The following PARD3B variants were observed in gnomAD, a reference collection of about 807,000 sequenced individuals.
PARD3B encodes the protein partitioning defective 3 homolog B.
In PARD3B, 103 loss-of-function variants were observed where a neutral mutation model predicts 130.2. The observed-to-expected ratio is 0.79, with a 90% CI of 0.67 to 0.93. PARD3B has a LOEUF of 0.93. Among genes scored for constraint, PARD3B ranks in the 40% least tolerant of loss-of-function variants. The pLI, the probability that PARD3B is intolerant of heterozygous loss-of-function variation, is 0.00. For missense variants in PARD3B, 1,609 were observed against 1,499.2 expected, an observed-to-expected ratio of 1.07 and a Z score of -1.21; for synonymous variants, 583 against 553.2, an observed-to-expected ratio of 1.05 and a Z score of -0.76.
chr2:205,015,457 T>A lies in PARD3B; in HGVS notation c.395-32124T>A, dbSNP rs1308748023. On this transcript the variant is annotated intron_variant, in intron 3 of 22. Transcript: ENST00000406610. This position sits in a 1 kb window ranked among gnomAD's most constrained non-coding sequence, Gnocchi z 4.5. ...ATACTGACATGTTTACATGTATTTC[T>A]CCTTGGCAAGATGCAGACCGAGTTC... 1.3e-5 allele frequency among the ~76,000 whole-genome samples: 2 copies of A among 152,210 alleles called. No homozygotes were observed. The highest frequency in any genetic ancestry group is 4.8e-5 in the African/African-American group (2 of 41,448).
chr2:205,567,820 G>A lies in PARD3B; in HGVS notation c.3260+14417G>A, dbSNP rs574403023. On this transcript the variant is annotated intron_variant, in intron 22 of 22. Transcript: ENST00000406610. Reference sequence around the variant, plus strand: ...TTGAGAAGCGATCCCAGGAAGCATTGGAAGCGGAGTGAGGAAGGAAAAGGA... The same window carrying A: ...TTGAGAAGCGATCCCAGGAAGCATTAGAAGCGGAGTGAGGAAGGAAAAGGA... 2.0e-5 allele frequency among the ~76,000 whole-genome samples: 3 copies of A among 151,740 alleles called. No individual in the cohort carries two copies. The South Asian group carries it at 6.3e-4, about 32-fold the overall frequency.
At chr2:204,791,046 T>C (rs1336932423) in intron 2 of PARD3B, among the ~76,000 whole-genome samples, 1 of 151,906 alleles carries the variant, frequency 6.6e-6, no homozygotes, top group Non-Finnish European at 1.5e-5. Flanking sequence ...CAGAGGTTGC[T>C]GTGAGCCAAG....
chr2:205,506,516 C>T (rs4346365), intron 21 of PARD3B, among the ~76,000 whole-genome samples: 66,883 of 151,942 alleles, frequency 0.44, 15,435 homozygotes, highest in South Asian at 0.6. Context: ...GGCCGCTGAT[C>T]TGGATGACAA....
At position 205,241,676 on chromosome 2, in the gene PARD3B, C is replaced by G. The variant is rs550762064; in HGVS notation, c.2141-4102C>G. Among the ~76,000 whole-genome samples, 1 of 152,278 alleles carries G rather than the reference C, an allele frequency of 6.6e-6. No individual in the cohort carries two copies. Among genetic ancestry groups the G allele is most frequent in the East Asian group, 1.9e-4 (1 of 5,186 alleles). Reference sequence around the variant, plus strand: ...CTCTTGCTCCATCAACACTCTCTTACTCAATGCTTTTAATTAATACTTTAC... The same window carrying G: ...CTCTTGCTCCATCAACACTCTCTTAGTCAATGCTTTTAATTAATACTTTAC... On this transcript the variant is annotated intron_variant, in intron 15 of 22. Transcript: ENST00000406610. The surrounding 1 kb of genome is among the most constrained non-coding windows in gnomAD (Gnocchi z 4.2).
rs903399891 is a variant in PARD3B at position 204,858,966 on chromosome 2, C to G, written c.223-106186C>G. On this transcript the variant is annotated intron_variant, in intron 2 of 22. Transcript: ENST00000406610. ...ATCATTCTCATGTTTCCAATATTCA[C>G]CTGGGTTTGTCTAAGTATTTGAGGA... Among the ~76,000 whole-genome samples, 9 of 151,506 alleles carry G rather than the reference C, an allele frequency of 5.9e-5. 1 individual carries two copies. Among genetic ancestry groups the G allele is most frequent in the African/African-American group, 1.9e-4 (8 of 41,324 alleles).
intron 12 of PARD3B, among the ~76,000 whole-genome samples, chr2:205,175,543 CA>C (rs2035418344): frequency 6.6e-6 from 1 of 152,122 alleles, no homozygotes; most frequent in Non-Finnish European, 1.5e-5. Flanking sequence ...TTGTTTTAGC[CA>C]AATGCTATAC....
intron 22 of PARD3B, among the ~76,000 whole-genome samples, chr2:205,557,091 C>T (rs1015760893): frequency 2.0e-5 from 3 of 152,150 alleles, no homozygotes; most frequent in Non-Finnish European, 4.4e-5. Flanking sequence ...CATGATATTG[C>T]TCTTCCGGAC....
At chr2:204,874,004 A>C (rs1458893431) in intron 2 of PARD3B, among the ~76,000 whole-genome samples, 1 of 151,952 alleles carries the variant, frequency 6.6e-6, no homozygotes, top group African/African-American at 2.4e-5. Flanking sequence ...TAAGCTGGGC[A>C]TGGTGGCGGG....
chr2:205,495,867 C>T (rs955083023), intron 20 of PARD3B, among the ~76,000 whole-genome samples: 2 of 152,008 alleles, frequency 1.3e-5, no homozygotes, highest in African/African-American at 4.8e-5. Flanking sequence ...ATAATAAATC[C>T]ATCAGTATTT....
At position 205,553,349 on chromosome 2, in the gene PARD3B, A is replaced by T. The variant is rs2052733154; in HGVS notation, c.3206A>T (p.Asn1069Ile). The change falls in exon 22 of 23, where the codon AAT (asparagine) becomes ATT (isoleucine). Residue 1069 changes from asparagine to isoleucine, a missense_variant. Transcript: ENST00000406610. The stretch of plus-strand genomic sequence containing the variant: ...GTGCCTGGAAGGGGTCCAGATGGGA[A>T]TGCACACAACCTCCGCTTTGAAGGG... ...LWVPGRGPDG[N>I]AHNLRFEGME... The T allele has an allele frequency of 1.2e-6, 2 of 1,614,056 alleles. No homozygotes were observed. The highest frequency in any genetic ancestry group is 4.5e-5 in the East Asian group (2 of 44,864).
chr2:205,431,983 T>C (rs1017331425), intron 19 of PARD3B, among the ~76,000 whole-genome samples: 2 of 152,170 alleles, frequency 1.3e-5, no homozygotes, highest in African/African-American at 4.8e-5. Flanking sequence ...AGAACTGTTA[T>C]ATAATCATGA....
chr2:204,904,651 T>C (rs958991191), intron 2 of PARD3B, among the ~76,000 whole-genome samples: 2 of 151,274 alleles, frequency 1.3e-5, no homozygotes, highest in African/African-American at 4.9e-5. Context: ...ATTATAGTTA[T>C]GGCAATGCCT....
rs1045799420 is a variant in PARD3B at position 205,550,474 on chromosome 2, A to T, written c.3181-2850A>T. 6.6e-6 allele frequency among the ~76,000 whole-genome samples: 1 copy of T among 152,156 alleles called. No homozygotes were observed. Among genetic ancestry groups the T allele is most frequent in the Non-Finnish European group, 1.5e-5 (1 of 68,030 alleles). On this transcript the variant is annotated intron_variant, in intron 21 of 22. Transcript: ENST00000406610. This position sits in a 1 kb window ranked among gnomAD's most constrained non-coding sequence, Gnocchi z 4.5. ...TACACAATTAGTGAAGGACAGAATA[A>T]TTTCTTATGTGCAAGCTTGCTGCCT...
intron 2 of PARD3B, among the ~76,000 whole-genome samples, chr2:204,695,973 C>A (rs991900729): frequency 6.6e-6 from 1 of 151,964 alleles, no homozygotes; most frequent in South Asian, 2.1e-4. Context: ...CAGGTACAGA[C>A]CATCAAGGAA....
chr2:204,869,587 A>G (rs2045557668), intron 2 of PARD3B, among the ~76,000 whole-genome samples: 1 of 152,178 alleles, frequency 6.6e-6, no homozygotes, highest in Non-Finnish European at 1.5e-5. Flanking sequence ...GAAACAAAAT[A>G]TTTCAATGAC....
At chr2:205,597,419 G>T (rs72937659) in intron 22 of PARD3B, among the ~76,000 whole-genome samples, 32,592 of 152,084 alleles carry the variant, frequency 0.21, 4,004 homozygotes, top group Non-Finnish European at 0.29. Flanking sequence ...TCTTTATCCA[G>T]TCCAGAGTTG....
In PARD3B at chr2:205,253,943, T is replaced by G. The variant is rs1438732822; in HGVS notation, c.2185+8121T>G. Among the ~76,000 whole-genome samples the G allele has an allele frequency of 1.3e-5, 2 of 151,816 alleles. No individual in the cohort carries two copies. Among genetic ancestry groups the G allele is most frequent in the African/African-American group, 4.8e-5 (2 of 41,328 alleles). ...AGGTGGTTTGAAAGAAGAGGTTGGG[T>G]TGAAAATGAACAGTATTTTGTCAAC... On this transcript the variant is annotated intron_variant, in intron 16 of 22. Transcript: ENST00000406610. The surrounding 1 kb of genome is among the most constrained non-coding windows in gnomAD (Gnocchi z 4.4).
chr2:204,611,422 G>A (rs572630346), intron 1 of PARD3B, among the ~76,000 whole-genome samples: 4 of 152,212 alleles, frequency 2.6e-5, no homozygotes, highest in East Asian at 1.9e-4. Context: ...CTTTTATCTC[G>A]CTTTCGACTC....
chr2:205,440,635 G>T lies in PARD3B; in HGVS notation c.3007G>T (p.Val1003Phe), dbSNP rs772610300. 6.2e-7 allele frequency: 1 copy of T among 1,613,648 alleles called. No individual in the cohort carries two copies. Among genetic ancestry groups the T allele is most frequent in the Non-Finnish European group, 8.5e-7 (1 of 1,179,876 alleles). The change falls in exon 20 of 23, where the codon GTC (valine) becomes TTC (phenylalanine). Residue 1003 changes from valine to phenylalanine, a missense_variant. Physicochemically the swap from Val to Phe is conservative, Grantham distance 50. Transcript: ENST00000406610. This position sits in a 1 kb window ranked among gnomAD's most constrained non-coding sequence, Gnocchi z 4.2. The part of the protein sequence containing the change: ...RDHLEGLYAK[V>F]NKPYHPLVPA... Reference sequence around the variant, plus strand: ...CCACTTAGAGGGTCTCTATGCCAAGGTCAACAAGCCATACCATCCACTGGT... The same window carrying T: ...CCACTTAGAGGGTCTCTATGCCAAGTTCAACAAGCCATACCATCCACTGGT...
Sources: allele counts gnomAD v4.1 joint callset (sites outside exome capture counted in the v4.1 genomes callset), GRCh38; gene constraint gnomAD v4.1.1; non-coding constraint Gnocchi (gnomAD v3.1); transcripts MANE v1.5; gene names NCBI Gene and HGNC (gene_info 2026-07-23, HGNC 2026-07-21).